LRRC74A: variants seen among roughly 807,000 people sequenced by gnomAD.
LRRC74A encodes the protein leucine rich repeat containing 74A, also known as leucine-rich repeat-containing protein 74A.
In LRRC74A, 44 loss-of-function variants were observed where a neutral mutation model predicts 57.9. The ratio of observed to expected loss-of-function variants is 0.76; its 90% confidence interval spans 0.60 to 0.98. The LOEUF is 0.98. Among genes scored for constraint, LRRC74A ranks in the 50% least tolerant of loss-of-function variants. The pLI is 0.00. For synonymous variants in LRRC74A, 211 were observed against 219.4 expected, an observed-to-expected ratio of 0.96 and a Z score of 0.34; for missense variants, 572 against 574.0, an observed-to-expected ratio of 1.00 and a Z score of 0.04.
rs1295532872 is a variant in LRRC74A, at chr14:76,844,417, C to T, written c.545-6C>T. 1.9e-6 allele frequency: 3 copies of T among 1,612,162 alleles called. No individual in the cohort carries two copies. Among genetic ancestry groups the T allele is most frequent in the Non-Finnish European group, 2.5e-6 (3 of 1,179,280 alleles). On this transcript the variant is annotated splice_polypyrimidine_tract_variant and splice_region_variant and intron_variant, in intron 5 of 13. Transcript: ENST00000689127. ...GTGCATCACTGACACACCACCCTCA[C>T]TACAGGAAATGACTTCAAGGAAGAC...
At chr14:76,867,254 G>T in intron 12 of LRRC74A, 102 bp from the exon 13 acceptor site, 2 of 411,648 alleles carry the variant, frequency 4.9e-6, no homozygotes, top group Admixed American at 3.1e-5. Flanking sequence ...GTGTTGGGGG[G>T]GTGGGGTGTG....
At chr14:76,832,985 C>T (rs1201417169) in intron 3 of LRRC74A, among the ~76,000 whole-genome samples, 1 of 152,158 alleles carries the variant, frequency 6.6e-6, no homozygotes, top group Non-Finnish European at 1.5e-5. Flanking sequence ...TTCTCCCCTC[C>T]CTTCTTCCCT....
intron 13 of LRRC74A, among the ~76,000 whole-genome samples, chr14:76,868,417 C>G (rs1413720939): frequency 1.3e-5 from 2 of 152,144 alleles, no homozygotes; most frequent in Admixed American, 6.5e-5. Context: ...TACAGCCAGC[C>G]GAGATTGCAT....
chr14:76,831,109 GAC>G, intron 2 of LRRC74A, 92 bp from the exon 3 acceptor site: 2 of 1,273,504 alleles, frequency 1.6e-6, no homozygotes, highest in East Asian at 4.8e-5. Context: ...TCTGGCAGAG[GAC>G]AGTCTAGACA....
chr14:76,858,158 C>T (rs1398034140), intron 10 of LRRC74A, among the ~76,000 whole-genome samples: 10 of 152,228 alleles, frequency 6.6e-5, no homozygotes, highest in Admixed American at 2.6e-4. Context: ...TGAAGTACCA[C>T]ACACTGGGTG....
At chr14:76,853,488 G>A in intron 9 of LRRC74A, 78 bp downstream of exon 9, 4 of 1,286,510 alleles carry the variant, frequency 3.1e-6, no homozygotes, top group Non-Finnish European at 4.3e-6. Flanking sequence ...GATAAGTTGG[G>A]GGCTGCAGAG....
chr14:76,865,541 T>C (rs1898710710), intron 11 of LRRC74A, among the ~76,000 whole-genome samples: 1 of 152,208 alleles, frequency 6.6e-6, no homozygotes, highest in African/African-American at 2.4e-5. Context: ...AACCTTTTGA[T>C]CTCTGAACAT....
chr14:76,834,474 AT>A (rs1896179686), intron 3 of LRRC74A, among the ~76,000 whole-genome samples: 1 of 152,114 alleles, frequency 6.6e-6, no homozygotes, highest in Non-Finnish European at 1.5e-5. Context: ...CTTTGTACTG[AT>A]TAACTTTTCA....
intron 11 of LRRC74A, among the ~76,000 whole-genome samples, chr14:76,865,507 T>G (rs4903503): frequency 6.6e-6 from 1 of 152,312 alleles, no homozygotes; most frequent in Non-Finnish European, 1.5e-5. Context: ...AGAGCCAAAC[T>G]GTCACATTAT....
At chr14:76,830,447 G>A (rs928167165) in intron 2 of LRRC74A, among the ~76,000 whole-genome samples, 3 of 152,240 alleles carry the variant, frequency 2.0e-5, no homozygotes, top group African/African-American at 7.2e-5. Flanking sequence ...GGCCCCCAGG[G>A]GTTAGAATGG....
intron 7 of LRRC74A, among the ~76,000 whole-genome samples, chr14:76,847,874 C>G (rs1566730059): frequency 6.6e-6 from 1 of 151,924 alleles, no homozygotes; most frequent in Non-Finnish European, 1.5e-5. Context: ...CCACTCTCTA[C>G]AAAAAATTCA....
intron 2 of LRRC74A, 182 bp downstream of exon 2, chr14:76,828,601 G>C (rs753150054): frequency 1.2e-6 from 1 of 863,394 alleles, no homozygotes; most frequent in South Asian, 1.4e-5. Context: ...TGGCAGGGGA[G>C]AGCAGCTGCA....
chr14:76,870,086 T>C (rs1245429614), intron 13 of LRRC74A, 39 bp from the exon 14 acceptor site: 1 of 1,601,216 alleles, frequency 6.2e-7, no homozygotes, highest in Non-Finnish European at 8.5e-7. Context: ...CATGAGGCTG[T>C]ACGGGTGCTC....
chr14:76,847,572 A>G (rs1366429837), intron 7 of LRRC74A, among the ~76,000 whole-genome samples: 1 of 148,882 alleles, frequency 6.7e-6, no homozygotes, highest in Non-Finnish European at 1.5e-5. Flanking sequence ...AGGAACGGGA[A>G]AAATAACTGA....
At chr14:76,828,584 T>C (rs766502380) in intron 2 of LRRC74A, 165 bp downstream of exon 2, 57 of 1,047,496 alleles carry the variant, frequency 5.4e-5, no homozygotes, top group South Asian at 5.4e-4. Flanking sequence ...GGAGTCCTCC[T>C]CCGGGCTGGC....
chr14:76,852,566 C>T (rs965819452), intron 8 of LRRC74A, 116 bp downstream of exon 8: 23 of 635,480 alleles, frequency 3.6e-5, no homozygotes, highest in Non-Finnish European at 5.2e-5. Context: ...ATACTGGGCT[C>T]TCATCAAATA....
At chr14:76,858,817 G>T (rs1044062522) in intron 10 of LRRC74A, among the ~76,000 whole-genome samples, 3 of 152,062 alleles carry the variant, frequency 2.0e-5, no homozygotes, top group African/African-American at 7.2e-5. Flanking sequence ...TCGAACTCCC[G>T]ACCTCAAGTG....
chr14:76,862,126 A>G (rs2140308703), intron 11 of LRRC74A, among the ~76,000 whole-genome samples: 1 of 152,300 alleles, frequency 6.6e-6, no homozygotes, highest in Non-Finnish European at 1.5e-5. Context: ...ACACACAGAA[A>G]AAGAATCTTG....
At chr14:76,832,656 T>G (rs1327457284) in intron 3 of LRRC74A, among the ~76,000 whole-genome samples, 1 of 152,118 alleles carries the variant, frequency 6.6e-6, no homozygotes, top group African/African-American at 2.4e-5. Context: ...GCTGAAAAAT[T>G]AGGATCATTG....
Sources: allele counts gnomAD v4.1 joint callset (sites outside exome capture counted in the v4.1 genomes callset), GRCh38; gene constraint gnomAD v4.1.1; transcripts MANE v1.5; gene names NCBI Gene and HGNC (gene_info 2026-07-23, HGNC 2026-07-21).